Variants in ABCC4 observed in about 807,000 individuals in gnomAD.
The protein encoded by ABCC4 is ATP-binding cassette sub-family C member 4.
ABCC4 carries 102 observed loss-of-function variants against 168.5 expected under a neutral mutation model. The observed-to-expected ratio is 0.61, with a 90% confidence interval of 0.52 to 0.71. ABCC4 has a LOEUF of 0.71. Among genes scored for constraint, ABCC4 ranks in the 30% least tolerant of loss-of-function variants. The pLI, the probability that ABCC4 is intolerant of heterozygous loss-of-function variation, is 0.00. For synonymous variants in ABCC4, 617 were observed against 590.7 expected, an observed-to-expected ratio of 1.04 and a Z score of -0.65; for missense variants, 1,402 against 1,605.8, an observed-to-expected ratio of 0.87 and a Z score of 2.17.
chr13:95,273,500 A>G (rs2040893944), intron 1 of ABCC4, among the ~76,000 whole-genome samples: 1 of 152,206 alleles, frequency 6.6e-6, no homozygotes, highest in African/African-American at 2.4e-5. Flanking sequence ...TTGAAAATAC[A>G]GCAAAGTTAA....
rs776813692 is a variant in ABCC4, at chr13:95,170,540, A to G, written c.1816T>C (p.Leu606=). The G allele has an allele frequency of 1.1e-5, 18 of 1,609,516 alleles. No homozygotes were observed. Among genetic ancestry groups the G allele is most frequent in the Non-Finnish European group, 1.4e-5 (17 of 1,177,976 alleles). The change falls in exon 14 of 31, where the codon TTG becomes CTG. Residue 606 remains leucine (L), a synonymous_variant. Transcript: ENST00000645237. ...CTCTAGAAACTACTTACATCTTTCAATATCAGAATCTGACTTGCAGCTTTG... is the reference window on the plus strand; with the variant it reads ...CTCTAGAAACTACTTACATCTTTCAGTATCAGAATCTGACTTGCAGCTTTG... The part of the protein sequence containing the change: ...YLKAASQILI[L]KDGKMVQKGT...
chr13:95,176,394 CT>C (rs2037703615), intron 13 of ABCC4, among the ~76,000 whole-genome samples: 1 of 151,970 alleles, frequency 6.6e-6, no homozygotes, highest in Admixed American at 6.6e-5. Flanking sequence ...ACCCGGGAGG[CT>C]GAGGCAGGAG....
At chr13:95,277,415 T>C (rs2040998534) in intron 1 of ABCC4, among the ~76,000 whole-genome samples, 1 of 152,006 alleles carries the variant, frequency 6.6e-6, no homozygotes, top group African/African-American at 2.4e-5. Context: ...ACCTTGTCTC[T>C]ACCAAAAATA....
intron 4 of ABCC4, among the ~76,000 whole-genome samples, chr13:95,226,991 T>C (rs1485976100): frequency 6.6e-6 from 1 of 152,188 alleles, no homozygotes; most frequent in Non-Finnish European, 1.5e-5. Flanking sequence ...CTAAAGCAAT[T>C]AAATCAGAAT....
At chr13:95,207,980 C>G in intron 6 of ABCC4, 55 bp from the exon 7 acceptor site, 13 of 1,576,716 alleles carry the variant, frequency 8.2e-6, no homozygotes, top group Non-Finnish European at 1.0e-5. Context: ...CTGCCCTTAT[C>G]AGCGGCAGGC....
At chr13:95,133,711 G>A (rs927803121) in intron 19 of ABCC4, among the ~76,000 whole-genome samples, 39 of 152,080 alleles carry the variant, frequency 2.6e-4, no homozygotes, top group Admixed American at 2.2e-3. Flanking sequence ...CAACAACAGC[G>A]ACATCTGAGG....
At chr13:95,266,087 G>A (rs1252232207) in intron 1 of ABCC4, 1 of 152,206 alleles carries the variant, frequency 6.6e-6, no homozygotes, top group Non-Finnish European at 1.5e-5. Flanking sequence ...CCCAAGTCCT[G>A]ACCCCCAGTA....
intron 21 of ABCC4, among the ~76,000 whole-genome samples, chr13:95,076,288 C>A (rs928324332): frequency 5.9e-5 from 9 of 152,218 alleles, no homozygotes; most frequent in Non-Finnish European, 8.8e-5. Flanking sequence ...GACTGCCCCA[C>A]TGCAAACTTG....
At chr13:95,229,990 A>G (rs1566549734) in intron 4 of ABCC4, among the ~76,000 whole-genome samples, 1 of 152,254 alleles carries the variant, frequency 6.6e-6, no homozygotes, top group Non-Finnish European at 1.5e-5. Flanking sequence ...ATAGCTAAAA[A>G]GTAAAAACAG....
intron 21 of ABCC4, among the ~76,000 whole-genome samples, chr13:95,079,169 G>A (rs1248375136): frequency 1.3e-5 from 2 of 152,166 alleles, no homozygotes; most frequent in Admixed American, 6.5e-5. Context: ...AACTAGTACC[G>A]AGGGAGAGCG....
intron 1 of ABCC4, among the ~76,000 whole-genome samples, chr13:95,287,915 A>C (rs1300082985): frequency 4.0e-5 from 6 of 151,618 alleles, no homozygotes; most frequent in Non-Finnish European, 8.8e-5. Context: ...GGTGGCATGC[A>C]CCTATAGTCC....
In ABCC4 at chr13:95,170,630, T is replaced by G. The variant is rs747203143; in HGVS notation, c.1728-2A>C. The G allele has an allele frequency of 6.3e-7, 1 of 1,597,226 alleles. No individual in the cohort carries two copies. Among genetic ancestry groups the G allele is most frequent in the Non-Finnish European group, 8.6e-7 (1 of 1,168,286 alleles). On this transcript the variant is annotated splice_acceptor_variant, in intron 13 of 30. Transcript: ENST00000645237. LOFTEE classifies it high-confidence loss of function. ...TCATGCAAAATTTGACAAATACACC[T>G]ATAAATGTAAAAGGCACAGGGTGAA...
chr13:95,178,764 A>C (rs2037796082), intron 11 of ABCC4, among the ~76,000 whole-genome samples: 1 of 152,162 alleles, frequency 6.6e-6, no homozygotes, highest in African/African-American at 2.4e-5. Context: ...CACCCAGGGA[A>C]ATAGGAGGAA....
At chr13:95,239,699 C>CA (rs1291050163) in intron 3 of ABCC4, among the ~76,000 whole-genome samples, 1 of 152,050 alleles carries the variant, frequency 6.6e-6, no homozygotes, top group African/African-American at 2.4e-5. Context: ...CAAGCAATAA[C>CA]AAAAAATCCA....
intron 1 of ABCC4, among the ~76,000 whole-genome samples, chr13:95,285,240 T>C (rs2041230861): frequency 6.6e-6 from 1 of 151,632 alleles, no homozygotes; most frequent in Non-Finnish European, 1.5e-5. Flanking sequence ...AGAGTGAGAC[T>C]CCGTCTCTTA....
chr13:95,090,496 C>T (rs549743093), intron 20 of ABCC4, among the ~76,000 whole-genome samples: 78 of 152,288 alleles, frequency 5.1e-4, no homozygotes, highest in African/African-American at 1.8e-3. Flanking sequence ...ACCAGGCAGA[C>T]TCACTGGGTG....
At chr13:95,096,556 G>C (rs891317447) in intron 20 of ABCC4, among the ~76,000 whole-genome samples, 5 of 151,992 alleles carry the variant, frequency 3.3e-5, no homozygotes, top group Non-Finnish European at 7.4e-5. Context: ...GTTTTAAAAA[G>C]CAGCCATGAA....
intron 19 of ABCC4, among the ~76,000 whole-genome samples, chr13:95,155,138 C>T (rs2036813565): frequency 6.6e-6 from 1 of 152,158 alleles, no homozygotes; most frequent in Non-Finnish European, 1.5e-5. Context: ...CAAACCACTA[C>T]CACCCTCCTC....
At position 95,179,089 on chromosome 13, in the gene ABCC4, G is replaced by A. The variant is rs139070369; in HGVS notation, c.1546-998C>T. On this transcript the variant is annotated intron_variant, in intron 11 of 30. Coordinates refer to ENST00000645237, the MANE Select transcript of ABCC4 (RefSeq NM_005845.5). The stretch of plus-strand genomic sequence containing the variant: ...ATGCTGACCGGCTATCCTGACTTGC[G>A]GCTGGATAAGTGAGTCTGGAGGTCT... Among the ~76,000 whole-genome samples the A allele has an allele frequency of 2.5e-3, 382 of 152,276 alleles. 1 individual carries two copies. The highest frequency in any genetic ancestry group is 3.4e-3 in the Non-Finnish European group (234 of 68,018).
Sources: allele counts gnomAD v4.1 joint callset (sites outside exome capture counted in the v4.1 genomes callset), GRCh38; gene constraint gnomAD v4.1.1; transcripts MANE v1.5; gene names NCBI Gene and HGNC (gene_info 2026-07-23, HGNC 2026-07-21).